Variants in ZNF197 observed in about 807,000 individuals in gnomAD.
The protein encoded by ZNF197 is VHL-associated KRAB-A domain-containing protein.
A neutral mutation model predicts 27.4 loss-of-function variants in ZNF197; 14 were observed. The observed-to-expected ratio is 0.51, with a 90% CI of 0.34 to 0.80. The LOEUF is 0.80. Ranked by LOEUF, ZNF197 falls within the 30% of genes least tolerant of loss-of-function variation. The pLI is 0.02. For synonymous variants in ZNF197, 415 were observed against 420.0 expected (o/e 0.99, Z 0.15); for missense variants, 1,090 against 1,222.6 (o/e 0.89, Z 1.62).
At chr3:44,632,963 A>G (rs1702094429) in intron 5 of ZNF197, among the ~76,000 whole-genome samples, 1 of 152,210 alleles carries the variant, frequency 6.6e-6, no homozygotes, top group Non-Finnish European at 1.5e-5. Context: ...CTTATTTTAG[A>G]TAACTGCTAT....
chr3:44,646,282 G>T lies in ZNF197; in HGVS notation c.*2062G>T. Reference sequence around the variant, plus strand: ...ATGAATATAAAAATGTTTCATCCAGGTTGTTGAATCATCCCAGCTTATATA... The same window carrying T: ...ATGAATATAAAAATGTTTCATCCAGTTTGTTGAATCATCCCAGCTTATATA... On this transcript the variant is annotated 3_prime_UTR_variant, in exon 6 of 6. Transcript: ENST00000344387. 1 of 985,242 alleles carries T rather than the reference G, an allele frequency of 1.0e-6. No individual in the cohort carries two copies. The highest frequency in any genetic ancestry group is 1.2e-6 in the Non-Finnish European group (1 of 829,820). The allele number at this position is 985,242 out of a possible 1,614,324, so 61.0% of individuals were successfully genotyped here.
At chr3:44,638,713 G>C (rs1223928388) in intron 5 of ZNF197, among the ~76,000 whole-genome samples, 5 of 151,862 alleles carry the variant, frequency 3.3e-5, no homozygotes. Context: ...TAATTTTTTT[G>C]AACAGTGTCT....
At chr3:44,633,864 A>G (rs1702135879) in intron 5 of ZNF197, among the ~76,000 whole-genome samples, 1 of 152,144 alleles carries the variant, frequency 6.6e-6, no homozygotes, top group Non-Finnish European at 1.5e-5. Flanking sequence ...TGTCATTTGC[A>G]TATATGAAAG....
Position 44,644,863 on chromosome 3 carries a change from A to T in ZNF197, c.*643A>T. ...GGGGAGACCCGTCTTTAGTAAATAAAAATAAATTTATTAATAAAACTAAAA... is the reference window on the plus strand; with the variant it reads ...GGGGAGACCCGTCTTTAGTAAATAATAATAAATTTATTAATAAAACTAAAA... On this transcript the variant is annotated 3_prime_UTR_variant, in exon 6 of 6. Coordinates refer to ENST00000344387, the MANE Select transcript of ZNF197 (RefSeq NM_006991.5). 3.1e-6 allele frequency: 3 copies of T among 960,760 alleles called. No homozygotes were observed. The highest frequency in any genetic ancestry group is 3.7e-6 in the Non-Finnish European group (3 of 807,444). The allele number at this position is 960,760 out of a possible 1,614,324, so 59.5% of individuals were successfully genotyped here. A position where few individuals can be genotyped will look rare whatever the true frequency, so the allele number is the denominator to read the frequency against.
chr3:44,643,795 C>T lies in ZNF197; in HGVS notation c.2665C>T (p.Leu889Phe), dbSNP rs748981764. Residue 889 changes from leucine to phenylalanine, a missense_variant, in exon 6 of 6, where the codon CTT becomes TTT. Transcript: ENST00000344387. The stretch of plus-strand genomic sequence containing the variant: ...GAAAGTCCTTACCTCTAGTAGAAAT[C>T]TTATGGTACATCAAAGAATCCATAC... ...CRKVLTSSRN[L>F]MVHQRIHTGE... 3.1e-6 allele frequency: 5 copies of T among 1,613,948 alleles called. No homozygotes were observed. Among genetic ancestry groups the T allele is most frequent in the Non-Finnish European group, 4.2e-6 (5 of 1,180,028 alleles).
At position 44,642,874 on chromosome 3, in the gene ZNF197, C is replaced by G. The variant is rs757825165; in HGVS notation, c.1744C>G (p.Leu582Val). ...GKVFIRSKSL[L>V]LHQRVHTEKK... ...AGTTTTCATTCGAAGCAAAAGCCTC[C>G]TCTTACATCAGAGAGTCCACACAGA... Residue 582 changes from leucine (L) to valine (V), a missense_variant, in exon 6 of 6, where the codon CTC becomes GTC. Transcript: ENST00000344387. The G allele has an allele frequency of 1.9e-6, 3 of 1,614,132 alleles. No homozygotes were observed. Among genetic ancestry groups the G allele is most frequent in the Non-Finnish European group, 2.5e-6 (3 of 1,180,022 alleles).
In ZNF197 at chr3:44,648,140, A is replaced by G. The variant is rs1703066209; in HGVS notation, c.*3920A>G. 6.6e-6 allele frequency: 1 copy of G among 152,196 alleles called. No homozygotes were observed. Among genetic ancestry groups the G allele is most frequent in the Admixed American group, 6.5e-5 (1 of 15,272 alleles). The allele number at this position is 152,196 out of a possible 1,614,324, so 9.4% of individuals were successfully genotyped here. On this transcript the variant is annotated 3_prime_UTR_variant, in exon 6 of 6. Transcript: ENST00000344387. ...GAAACTGATTTGAAAAAAAGTTATA[A>G]AATACATGTTTTAGGACAGTTGGGA...
Position 44,629,197 on chromosome 3 carries a change from G to A in ZNF197, c.43G>A (p.Gly15Ser). ...AGCCCACAATGCTCTGAGACAAGAGGGCCTTGTGAAGGGGAAGGATGATAC... is the reference window on the plus strand; with the variant it reads ...AGCCCACAATGCTCTGAGACAAGAGAGCCTTGTGAAGGGGAAGGATGATAC... ...NVAHNALRQE[G>S]LVKGKDDTWK... Residue 15 changes from glycine to serine, a missense_variant, in exon 2 of 6, where the codon GGC becomes AGC. Gly to Ser is a moderately conservative substitution (Grantham distance 56, BLOSUM62 0). Coordinates refer to ENST00000344387, the MANE Select transcript of ZNF197 (RefSeq NM_006991.5). 1 of 1,613,864 alleles carries A rather than the reference G, an allele frequency of 6.2e-7. No homozygotes were observed. The highest frequency in any genetic ancestry group is 8.5e-7 in the Non-Finnish European group (1 of 1,179,888).
At position 44,642,115 on chromosome 3, in the gene ZNF197, C is replaced by A. The variant is rs199888346; in HGVS notation, c.985C>A (p.Arg329=). 29 of 1,613,526 alleles carry A rather than the reference C, an allele frequency of 1.8e-5. No individual in the cohort carries two copies. The East Asian group carries it at 6.5e-4, about 36-fold the overall frequency. Residue 329 remains arginine, a synonymous_variant, in exon 6 of 6, where the codon CGA becomes AGA. Transcript: ENST00000344387. ...AGTGAAGAAAGTTTCCCTTTGTGAACGAGACAAGAAGAAAAGGACTCCACC... is the reference window on the plus strand; with the variant it reads ...AGTGAAGAAAGTTTCCCTTTGTGAAAGAGACAAGAAGAAAAGGACTCCACC... ...DTVKKVSLCE[R]DKKKRTPPEK...
In ZNF197 at chr3:44,643,245, A is replaced by G; in HGVS notation, c.2115A>G (p.Pro705=). 6.2e-7 allele frequency: 1 copy of G among 1,614,140 alleles called. No homozygotes were observed. The highest frequency in any genetic ancestry group is 8.5e-7 in the Non-Finnish European group (1 of 1,180,034). The part of the protein sequence containing the change: ...DHERLHNGEK[P]YECRECGKTF... The stretch of plus-strand genomic sequence containing the variant: ...AGAGACTCCACAATGGGGAGAAGCC[A>G]TATGAATGTCGAGAGTGTGGGAAAA... Residue 705 remains proline, a synonymous_variant, in exon 6 of 6, where the codon CCA becomes CCG. Transcript: ENST00000344387.
intron 5 of ZNF197, among the ~76,000 whole-genome samples, chr3:44,641,073 A>G (rs1608006): frequency 0.28 from 43,143 of 152,138 alleles, 6,636 homozygotes; most frequent in Non-Finnish European, 0.32. Flanking sequence ...AATTTCTCTC[A>G]CACTTGGGTA....
rs377624140 is a variant in ZNF197 at position 44,632,487 on chromosome 3, C to G, written c.657C>G (p.Phe219Leu). The G allele has an allele frequency of 1.3e-6, 2 of 1,598,518 alleles. No individual in the cohort carries two copies. The highest frequency in any genetic ancestry group is 2.7e-5 in the African/African-American group (2 of 74,140). Residue 219 changes from phenylalanine (F) to leucine (L), a missense_variant, in exon 5 of 6, where the codon TTC (phenylalanine) becomes TTG (leucine). Physicochemically the swap from Phe to Leu is conservative, Grantham distance 22. Transcript: ENST00000344387. ...TGTTATTTCAGGAGTTGGTGATGTT[C>G]GAGGAGGTGTCAGTATGCTTCACTT... is the stretch of plus-strand genomic sequence containing the variant. ...LTAQPQELVM[F>L]EEVSVCFTSE... is the part of the protein sequence containing the mutation.
Position 44,647,956 on chromosome 3 carries a change from C to A in ZNF197, c.*3736C>A, listed in dbSNP as rs2125833300. ...ACACATACTGTACCAATGTTGATTT[C>A]CTTTTTCATTTTATGTAAGATGTAA... On this transcript the variant is annotated 3_prime_UTR_variant, in exon 6 of 6. Coordinates refer to ENST00000344387, the MANE Select transcript of ZNF197 (RefSeq NM_006991.5). The A allele has an allele frequency of 6.6e-6, 1 of 152,134 alleles. No homozygotes were observed. 9.4% of individuals were successfully genotyped at this position (152,134 alleles called of 1,614,324 possible). A position where few individuals can be genotyped will look rare whatever the true frequency, so the allele number is the denominator to read the frequency against.
Position 44,640,058 on chromosome 3 carries a change from T to C in ZNF197, c.770-1842T>C, listed in dbSNP as rs1478456144. On this transcript the variant is annotated intron_variant, in intron 5 of 5. Transcript: ENST00000344387. This position sits in a 1 kb window ranked among gnomAD's most constrained non-coding sequence, Gnocchi z 4.0. ...GCAGATGAAAGGCGGGGGGTGTCAG[T>C]GGTAGGAAAGCCTGTGTCTCTTTCT... Among the ~76,000 whole-genome samples the C allele has an allele frequency of 5.3e-5, 8 of 152,146 alleles. No individual in the cohort carries two copies. Among genetic ancestry groups the C allele is most frequent in the Admixed American group, 5.2e-4 (8 of 15,282 alleles).
chr3:44,636,055 A>G lies in ZNF197; in HGVS notation c.769+3456A>G, dbSNP rs542292406. Among the ~76,000 whole-genome samples the G allele has an allele frequency of 6.6e-5, 10 of 152,360 alleles. No homozygotes were observed. In the South Asian group the frequency reaches 1.9e-3, roughly 28 times the overall value. ...CATGGTGGCTCATGCCTGTAATCCC[A>G]GCCGTTTGGGAGGCCAAGGCAGGCG... On this transcript the variant is annotated intron_variant, in intron 5 of 5. Coordinates refer to ENST00000344387, the MANE Select transcript of ZNF197 (RefSeq NM_006991.5).
chr3:44,627,165 G>C (rs1356731681), intron 1 of ZNF197, among the ~76,000 whole-genome samples: 1 of 152,088 alleles, frequency 6.6e-6, no homozygotes, highest in East Asian at 1.9e-4. Context: ...AACGGAGAAG[G>C]AAACTTTACA....
intron 2 of ZNF197, chr3:44,630,677 A>AAAT (rs1023779210): frequency 8.3e-6 from 3 of 360,406 alleles, no homozygotes; most frequent in Non-Finnish European, 1.7e-5. Context: ...AGGGCTAGGT[A>AAAT]AAGGGGTCAA....
intron 5 of ZNF197, among the ~76,000 whole-genome samples, chr3:44,633,109 C>T (rs1049836588): frequency 6.6e-6 from 1 of 152,184 alleles, no homozygotes; most frequent in African/African-American, 2.4e-5. Flanking sequence ...GTAGCGATCC[C>T]TGTCCTCTCT....
intron 1 of ZNF197, among the ~76,000 whole-genome samples, chr3:44,626,380 A>G (rs1701661739): frequency 1.3e-5 from 2 of 151,996 alleles, no homozygotes; most frequent in African/African-American, 4.8e-5. Flanking sequence ...TAATTGTGGT[A>G]CAGTACCCAG....
Sources: gnomAD v4.1 joint callset for allele counts (sites outside exome capture counted in the v4.1 genomes callset) on GRCh38, gnomAD v4.1.1 for gene constraint, Gnocchi (gnomAD v3.1) non-coding constraint, MANE v1.5 for transcripts, NCBI Gene and HGNC (gene_info 2026-07-23, HGNC 2026-07-21) for gene names.